EPAS1: variants seen among roughly 807,000 people sequenced by gnomAD.
EPAS1 encodes the protein endothelial PAS domain protein 1.
In EPAS1, 23 loss-of-function variants were observed where a neutral mutation model predicts 87.9. That is an observed-to-expected ratio of 0.26 (90% CI 0.19 to 0.37). The LOEUF is 0.37. Among genes scored for constraint, EPAS1 ranks in the 10% least tolerant of loss-of-function variants. The probability of loss-of-function intolerance (pLI) is 1.00; values close to 1 mark genes in which losing one functional copy is unlikely to be tolerated. For missense variants in EPAS1, 1,138 were observed against 1,120.7 expected, an observed-to-expected ratio of 1.02 and a Z score of -0.22; for synonymous variants, 508 against 444.3, an observed-to-expected ratio of 1.14 and a Z score of -1.80.
chr2:46,363,948 A>C (rs1180306497), intron 6 of EPAS1, among the ~76,000 whole-genome samples: 1 of 152,216 alleles, frequency 6.6e-6, no homozygotes. Flanking sequence ...TGGCTTAGAC[A>C]GTTGATGAAG....
intron 1 of EPAS1, among the ~76,000 whole-genome samples, chr2:46,329,327 G>A (rs1334051282): frequency 1.3e-5 from 2 of 152,156 alleles, no homozygotes; most frequent in Admixed American, 6.5e-5. Context: ...TATGCCGACA[G>A]TCCTTGCAAG....
intron 1 of EPAS1, among the ~76,000 whole-genome samples, chr2:46,303,553 G>A (rs1328627877): frequency 6.6e-6 from 1 of 152,218 alleles, no homozygotes; most frequent in Non-Finnish European, 1.5e-5. Flanking sequence ...GTTCCCCTGA[G>A]AATATCAGTG....
chr2:46,373,041 A>G (rs1298689602), intron 7 of EPAS1, among the ~76,000 whole-genome samples: 1 of 152,246 alleles, frequency 6.6e-6, no homozygotes, highest in Non-Finnish European at 1.5e-5. Context: ...AGACCATTGT[A>G]TTAGGAGCCA....
At chr2:46,374,728 A>G (rs116606356) in intron 7 of EPAS1, among the ~76,000 whole-genome samples, 7,171 of 152,314 alleles carry the variant, frequency 0.047, 226 homozygotes, top group Admixed American at 0.057. Context: ...GAAAAATACC[A>G]AAAATTCTAA....
chr2:46,383,454 C>CCA (rs1684945892), intron 15 of EPAS1, among the ~76,000 whole-genome samples: 1 of 152,202 alleles, frequency 6.6e-6, no homozygotes, highest in Admixed American at 6.5e-5. Flanking sequence ...GAAAAACATA[C>CCA]CAGGCCCCTG....
At chr2:46,310,261 GC>G (rs1030727552) in intron 1 of EPAS1, among the ~76,000 whole-genome samples, 13 of 152,010 alleles carry the variant, frequency 8.6e-5, no homozygotes, top group Admixed American at 7.9e-4. Flanking sequence ...TGATGGTAAA[GC>G]CTTTGTCCCC....
At chr2:46,382,291 A>G in intron 14 of EPAS1, 134 bp from the exon 15 acceptor site, 1 of 1,239,916 alleles carries the variant, frequency 8.1e-7, no homozygotes, top group Non-Finnish European at 1.2e-6. Context: ...TGATGCCATC[A>G]GAGGGTCCTG....
At chr2:46,363,022 AATG>A (rs1684433026) in intron 6 of EPAS1, among the ~76,000 whole-genome samples, 1 of 123,814 alleles carries the variant, frequency 8.1e-6, no homozygotes. Context: ...TGGTGGTGAT[AATG>A]ATGGTGGTTC....
rs774504970 is a variant in EPAS1 at position 46,380,545 on chromosome 2, A to C, written c.1873A>C (p.Ser625Arg). The C allele has an allele frequency of 3.7e-6, 6 of 1,614,038 alleles. No homozygotes were observed. The highest frequency in any genetic ancestry group is 3.3e-4 in the Middle Eastern group (2 of 6,084). Reference sequence around the variant, plus strand: ...CCTGCCACCGTGCTGTGGCCAGGCCAGCACCCCTCTCTCTTCCATGGGGGG... The same window carrying C: ...CCTGCCACCGTGCTGTGGCCAGGCCCGCACCCCTCTCTCTTCCATGGGGGG... ...ASLPPCCGQA[S>R]TPLSSMGGRS... Residue 625 changes from serine (S) to arginine (R), a missense_variant, in exon 12 of 16, where the codon AGC becomes CGC. Ser to Arg is a moderately radical substitution (Grantham distance 110). Transcript: ENST00000263734. The surrounding 1 kb of genome is among the most constrained non-coding windows in gnomAD (Gnocchi z 4.4).
intron 7 of EPAS1, among the ~76,000 whole-genome samples, chr2:46,370,667 C>T (rs920352258): frequency 3.3e-5 from 5 of 152,256 alleles, no homozygotes; most frequent in African/African-American, 7.2e-5. Flanking sequence ...CTAGAGAAAC[C>T]GAGGAACTGA....
intron 1 of EPAS1, among the ~76,000 whole-genome samples, chr2:46,331,016 A>G (rs1683662386): frequency 1.3e-5 from 2 of 151,878 alleles, no homozygotes; most frequent in African/African-American, 4.8e-5. Flanking sequence ...TGGCCTCAAC[A>G]CTATTGAGTG....
chr2:46,297,561 C>T lies in EPAS1; in HGVS notation c.-351C>T, dbSNP rs1443670805. 6.6e-6 allele frequency: 2 copies of T among 303,264 alleles called. No individual in the cohort carries two copies. Among genetic ancestry groups the T allele is most frequent in the Non-Finnish European group, 1.3e-5 (2 of 158,624 alleles). 18.8% of individuals were successfully genotyped at this position (303,264 alleles called of 1,614,324 possible). A position where few individuals can be genotyped will look rare whatever the true frequency, so the allele number is the denominator to read the frequency against. On this transcript the variant is annotated 5_prime_UTR_variant, in exon 1 of 16. Transcript: ENST00000263734. ...CTTCCGACTCCCAGCATTCGAGCCA[C>T]TTTTTTTTTTCTTTGAAAACTCAGA...
rs1006098719 is a variant in EPAS1 at position 46,382,461 on chromosome 2, A to C, written c.2324A>C (p.His775Pro). 1 of 1,614,128 alleles carries C rather than the reference A, an allele frequency of 6.2e-7. No individual in the cohort carries two copies. Among genetic ancestry groups the C allele is most frequent in the East Asian group, 2.2e-5 (1 of 44,882 alleles). The change falls in exon 15 of 16, where the codon CAT becomes CCT. Residue 775 changes from histidine (H) to proline (P), a missense_variant. His to Pro is a moderately conservative substitution (Grantham distance 77). This residue lies in a region of EPAS1 where 502 missense variants were observed against 427.1 expected (regional missense o/e 1.18). Coordinates refer to ENST00000263734, the MANE Select transcript of EPAS1 (RefSeq NM_001430.5). Reference sequence around the variant, plus strand: ...CAAAACCCCATGAGGGGCCTGGGCCATCCCCTGAGACATCTGCCGCTGCCA... The same window carrying C: ...CAAAACCCCATGAGGGGCCTGGGCCCTCCCCTGAGACATCTGCCGCTGCCA... Reference protein sequence around the residue: ...FTQNPMRGLGHPLRHLPLPQP... With the variant: ...FTQNPMRGLGPPLRHLPLPQP...
rs935581213 is a variant in EPAS1, at chr2:46,362,180, C to T, written c.779+1090C>T. 4.6e-5 allele frequency among the ~76,000 whole-genome samples: 7 copies of T among 152,304 alleles called. No individual in the cohort carries two copies. In the South Asian group the frequency reaches 1.4e-3, roughly 32 times the overall value. ...CAGTTCCTGTGGCAGCTCTTTGCCA[C>T]CCCCAACTCTTTGCCACTCTTCTCT... On this transcript the variant is annotated intron_variant, in intron 6 of 15. Transcript: ENST00000263734.
chr2:46,365,564 C>A lies in EPAS1; in HGVS notation c.780-4263C>A, dbSNP rs184560488. Among the ~76,000 whole-genome samples the A allele has an allele frequency of 7.6e-4, 116 of 152,278 alleles. 1 individual carries two copies. Among genetic ancestry groups the A allele is most frequent in the Middle Eastern group, 3.4e-3 (1 of 294 alleles). On this transcript the variant is annotated intron_variant, in intron 6 of 15. Transcript: ENST00000263734. ...GTGGTAAAACACACACACAACCTTC[C>A]TATGTATACTCTTACCCCTACAGGT...
At chr2:46,381,236 C>G (rs946661034) in intron 12 of EPAS1, 1 of 381,792 alleles carries the variant, frequency 2.6e-6, no homozygotes, top group South Asian at 2.2e-5. Context: ...ACATGACCTG[C>G]CACTCCCAGG....
intron 15 of EPAS1, among the ~76,000 whole-genome samples, chr2:46,382,975 C>G (rs1684935282): frequency 6.6e-6 from 1 of 152,138 alleles, no homozygotes; most frequent in Non-Finnish European, 1.5e-5. Flanking sequence ...AGCAGGCGGC[C>G]ACAGTGGTGA....
rs1684874754 is a variant in EPAS1 at position 46,380,889 on chromosome 2, A to C, written c.2045+172A>C. On this transcript the variant is annotated intron_variant, in intron 12 of 15. Transcript: ENST00000263734. The surrounding 1 kb of genome is among the most constrained non-coding windows in gnomAD (Gnocchi z 4.4). ...AATCACCTCAAGCCATGTGAGGCCTAGTGTAGGATGGGTTTTTATCTGGGC... is the reference window on the plus strand; with the variant it reads ...AATCACCTCAAGCCATGTGAGGCCTCGTGTAGGATGGGTTTTTATCTGGGC... Among the ~76,000 whole-genome samples the C allele has an allele frequency of 6.6e-6, 1 of 152,040 alleles. No individual in the cohort carries two copies. Among genetic ancestry groups the C allele is most frequent in the Non-Finnish European group, 1.5e-5 (1 of 68,004 alleles).
chr2:46,383,709 G>A (rs1327974794), intron 15 of EPAS1, among the ~76,000 whole-genome samples: 3 of 152,286 alleles, frequency 2.0e-5, no homozygotes, highest in African/African-American at 7.2e-5. Flanking sequence ...CAAAAGAGTT[G>A]AATCATATCA....
Sources: gnomAD v4.1 joint callset for allele counts (sites outside exome capture counted in the v4.1 genomes callset) on GRCh38, gnomAD v4.1.1 for gene constraint, gnomAD v4.1.1 regional missense constraint, Gnocchi (gnomAD v3.1) non-coding constraint, MANE v1.5 for transcripts, NCBI Gene and HGNC (gene_info 2026-07-23, HGNC 2026-07-21) for gene names.